The following ZFAND3 variants were observed in gnomAD, a reference collection of about 807,000 sequenced individuals.
ZFAND3 encodes the protein zinc finger AN1-type containing 3.
ZFAND3 carries 10 observed loss-of-function variants against 29.6 expected under a neutral mutation model. The ratio of observed to expected loss-of-function variants is 0.34; its 90% CI spans 0.21 to 0.57. The LOEUF (loss-of-function observed/expected upper bound fraction) is 0.57, where lower values mean the gene tolerates loss of function less well. ZFAND3 is among the 20% of genes least tolerant of loss of function. The pLI, the probability that ZFAND3 is intolerant of heterozygous loss-of-function variation, is 0.86. For synonymous variants in ZFAND3, 128 were observed against 112.6 expected (o/e 1.14, Z -0.87); for missense variants, 230 against 304.5 (o/e 0.76, Z 1.82).
chr6:37,842,914 G>C lies in ZFAND3; in HGVS notation c.71+22898G>C, dbSNP rs866446557. ...AGGTGGGTGGGTCACTTGAGGTCTGGAGTTTGATACCAGCCTGGCCAACAT... is the reference window on the plus strand; with the variant it reads ...AGGTGGGTGGGTCACTTGAGGTCTGCAGTTTGATACCAGCCTGGCCAACAT... On this transcript the variant is annotated intron_variant, in intron 1 of 5. Transcript: ENST00000287218. Among the ~76,000 whole-genome samples, 6 of 152,024 alleles carry C rather than the reference G, an allele frequency of 3.9e-5. No homozygotes were observed. The South Asian group carries it at 1.2e-3, about 32-fold the overall frequency.
At chr6:37,821,330 G>A (rs978547745) in intron 1 of ZFAND3, among the ~76,000 whole-genome samples, 6 of 152,170 alleles carry the variant, frequency 3.9e-5, no homozygotes, top group African/African-American at 1.4e-4. Flanking sequence ...AAGGACATTA[G>A]TCAAAAATAA....
chr6:37,986,556 T>C (rs73421455), intron 2 of ZFAND3, among the ~76,000 whole-genome samples: 10,388 of 152,210 alleles, frequency 0.068, 431 homozygotes, highest in Non-Finnish European at 0.087. Context: ...CTTAGTTTAG[T>C]GGATAAAAAT....
At chr6:38,008,037 T>G (rs1763081153) in intron 2 of ZFAND3, among the ~76,000 whole-genome samples, 1 of 152,172 alleles carries the variant, frequency 6.6e-6, no homozygotes, top group Admixed American at 6.5e-5. Flanking sequence ...ACCTGCATTT[T>G]AACAAGATCC....
intron 2 of ZFAND3, among the ~76,000 whole-genome samples, chr6:37,938,755 TTAAAGA>T (rs1761749648): frequency 1.3e-5 from 2 of 152,092 alleles, no homozygotes; most frequent in African/African-American, 2.4e-5. Context: ...AAGCAGTGTG[TTAAAGA>T]TGATGATGAT....
At chr6:38,015,005 C>T (rs1242913820) in intron 2 of ZFAND3, among the ~76,000 whole-genome samples, 1 of 152,100 alleles carries the variant, frequency 6.6e-6, no homozygotes, top group Non-Finnish European at 1.5e-5. Flanking sequence ...TGCTTTTTAC[C>T]AATATGATGA....
intron 1 of ZFAND3, among the ~76,000 whole-genome samples, chr6:37,841,836 G>A (rs1764082607): frequency 6.6e-6 from 1 of 152,158 alleles, no homozygotes; most frequent in East Asian, 1.9e-4. Flanking sequence ...CATCTCTCAA[G>A]CATAGTATTC....
chr6:38,054,795 G>A (rs1280985503), intron 2 of ZFAND3, among the ~76,000 whole-genome samples: 1 of 152,194 alleles, frequency 6.6e-6, no homozygotes, highest in African/African-American at 2.4e-5. Context: ...GCTAACTCCT[G>A]TTTAAACAGT....
At chr6:37,907,403 C>T (rs948316608) in intron 1 of ZFAND3, among the ~76,000 whole-genome samples, 3 of 152,112 alleles carry the variant, frequency 2.0e-5, no homozygotes, top group South Asian at 2.1e-4. Context: ...ATTTTCTGTT[C>T]GCGCCCCTTG....
chr6:37,894,387 C>T (rs1581740938), intron 1 of ZFAND3, among the ~76,000 whole-genome samples: 1 of 148,500 alleles, frequency 6.7e-6, no homozygotes, highest in Middle Eastern at 3.2e-3. Flanking sequence ...TTTCCTTTCC[C>T]TTTTTTTTTT....
chr6:37,916,531 G>A (rs189320293), intron 1 of ZFAND3, among the ~76,000 whole-genome samples: 7 of 152,148 alleles, frequency 4.6e-5, no homozygotes, highest in African/African-American at 7.2e-5. Context: ...GTGGTGGCAC[G>A]TGCCTGTAAT....
chr6:38,047,757 C>T (rs1763932655), intron 2 of ZFAND3, among the ~76,000 whole-genome samples: 1 of 152,188 alleles, frequency 6.6e-6, no homozygotes, highest in Non-Finnish European at 1.5e-5. Context: ...AAGGGCCACT[C>T]CTTCATTCTG....
rs571756179 is a variant in ZFAND3 at position 37,966,386 on chromosome 6, C to T, written c.112+36387C>T. 2.0e-4 allele frequency among the ~76,000 whole-genome samples: 31 copies of T among 152,264 alleles called. 1 individual carries two copies. The highest frequency in any genetic ancestry group is 3.7e-4 in the Non-Finnish European group (25 of 68,020). ...TCAGTTAAAAAGCACATACAAAGTGCCAGGCATTGTGCTAAGGTGCCTTAT... is the reference window on the plus strand; with the variant it reads ...TCAGTTAAAAAGCACATACAAAGTGTCAGGCATTGTGCTAAGGTGCCTTAT... On this transcript the variant is annotated intron_variant, in intron 2 of 5. Coordinates refer to ENST00000287218, the MANE Select transcript of ZFAND3 (RefSeq NM_021943.3).
intron 5 of ZFAND3, among the ~76,000 whole-genome samples, chr6:38,133,854 A>G (rs1202670756): frequency 6.6e-6 from 1 of 152,114 alleles, no homozygotes; most frequent in Non-Finnish European, 1.5e-5. Context: ...CTGGGATTTG[A>G]GCCCAGGTCT....
intron 1 of ZFAND3, among the ~76,000 whole-genome samples, chr6:37,828,852 G>A (rs1763807133): frequency 6.6e-6 from 1 of 151,942 alleles, no homozygotes; most frequent in Non-Finnish European, 1.5e-5. Flanking sequence ...GGGTTTCACC[G>A]TGTTAGCCAG....
Position 37,891,426 on chromosome 6 carries a change from C to CCCCT in ZFAND3, c.72-38533_72-38532insCCCT, listed in dbSNP as rs922661157. 4.8e-5 allele frequency among the ~76,000 whole-genome samples: 7 copies of CCCCT among 144,806 alleles called. 1 individual carries two copies. Among genetic ancestry groups the CCCCT allele is most frequent in the African/African-American group, 1.9e-4 (7 of 37,528 alleles). 95.0% of individuals were successfully genotyped at this position (144,806 alleles called of 152,430 possible). ...AGTTGGAGATTTCAGTCCCCCCCCCCGCCTTTAAAATACAAAAATTAGCCG... is the reference window on the plus strand; with the variant it reads ...AGTTGGAGATTTCAGTCCCCCCCCCCCCCTGCCTTTAAAATACAAAAATTAGCCG... On this transcript the variant is annotated intron_variant, in intron 1 of 5. Transcript: ENST00000287218.
At chr6:38,125,721 G>C (rs1765621773) in intron 5 of ZFAND3, among the ~76,000 whole-genome samples, 1 of 152,020 alleles carries the variant, frequency 6.6e-6, no homozygotes, top group Non-Finnish European at 1.5e-5. Context: ...TTTTTTATGG[G>C]GAGAAAAATT....
intron 2 of ZFAND3, among the ~76,000 whole-genome samples, chr6:38,022,882 A>G (rs1187039146): frequency 6.6e-6 from 1 of 151,872 alleles, no homozygotes; most frequent in East Asian, 1.9e-4. Flanking sequence ...TGGAGTAAGG[A>G]CTCTTAGTAT....
At chr6:37,908,797 C>G (rs1002650888) in intron 1 of ZFAND3, among the ~76,000 whole-genome samples, 1 of 150,504 alleles carries the variant, frequency 6.6e-6, no homozygotes, top group Non-Finnish European at 1.5e-5. Flanking sequence ...TACTGAATGC[C>G]AGATTCTAAA....
intron 1 of ZFAND3, among the ~76,000 whole-genome samples, chr6:37,889,430 C>T (rs1443240219): frequency 6.6e-6 from 1 of 152,218 alleles, no homozygotes; most frequent in East Asian, 1.9e-4. Flanking sequence ...TCCCCTGGCA[C>T]TGTGTCTAGG....
Sources: gnomAD v4.1 joint callset for allele counts (sites outside exome capture counted in the v4.1 genomes callset) on GRCh38, gnomAD v4.1.1 for gene constraint, MANE v1.5 for transcripts, NCBI Gene and HGNC (gene_info 2026-07-23, HGNC 2026-07-21) for gene names.